NYAP2: variants seen among roughly 807,000 people sequenced by gnomAD.
NYAP2 encodes the protein neuronal tyrosine-phosphorylated phosphoinositide-3-kinase adaptor 2, also known as neuronal tyrosine-phosphorylated phosphoinositide-3-kinase adapter 2.
Under a neutral mutation model 50.4 loss-of-function variants are expected in NYAP2, and 23 were observed. The ratio of observed to expected loss-of-function variants is 0.46; its 90% CI spans 0.33 to 0.65. The LOEUF is 0.65. Among genes scored for constraint, NYAP2 ranks in the 30% least tolerant of loss-of-function variants. NYAP2 has a pLI of 0.02. For missense variants in NYAP2, 885 were observed against 861.0 expected, an observed-to-expected ratio of 1.03 and a Z score of -0.35; for synonymous variants, 394 against 365.2, an observed-to-expected ratio of 1.08 and a Z score of -0.90.
intron 2 of NYAP2, among the ~76,000 whole-genome samples, chr2:225,407,402 A>C (rs189955270): frequency 2.2e-3 from 328 of 152,122 alleles, no homozygotes; most frequent in African/African-American, 7.5e-3. Flanking sequence ...AAAAATCAAG[A>C]GTCAACAAAC....
At chr2:225,598,458 G>GTGA (rs1692643602) in intron 5 of NYAP2, among the ~76,000 whole-genome samples, 1 of 152,122 alleles carries the variant, frequency 6.6e-6, no homozygotes, top group Non-Finnish European at 1.5e-5. Context: ...ATGGAAGACT[G>GTGA]TTAAAAAATA....
the NYAP2 span, among the ~76,000 whole-genome samples, chr2:225,690,635 G>A: frequency 7.0e-4 from 107 of 152,078 alleles, 1 homozygote; most frequent in East Asian, 0.019. Context: ...ATTTAAATCA[G>A]TTTCTCTCTT....
At chr2:225,497,870 A>G (rs148396736) in intron 3 of NYAP2, among the ~76,000 whole-genome samples, 81 of 152,296 alleles carry the variant, frequency 5.3e-4, no homozygotes, top group African/African-American at 1.9e-3. Flanking sequence ...TGACTATTCA[A>G]TTAGAGATAC....
chr2:225,414,573 TGACACACTCAGGAACCA>T (rs1412858410), intron 3 of NYAP2, among the ~76,000 whole-genome samples: 4 of 152,052 alleles, frequency 2.6e-5, no homozygotes, highest in Non-Finnish European at 5.9e-5. Context: ...ATTGAACCAT[TGACACACTCAGGAACCA>T]GCCAATGAGA....
chr2:225,677,539 T>G, the NYAP2 span, among the ~76,000 whole-genome samples: 1 of 152,014 alleles, frequency 6.6e-6, no homozygotes, highest in Non-Finnish European at 1.5e-5. Flanking sequence ...TGATGTTGAC[T>G]GCAGGTTTGT....
chr2:225,545,102 T>G (rs1395083053), intron 4 of NYAP2, among the ~76,000 whole-genome samples: 1 of 152,216 alleles, frequency 6.6e-6, no homozygotes, highest in East Asian at 1.9e-4. Context: ...TTTCTCTTGC[T>G]GCTTTTAGAA....
At chr2:225,609,488 C>T (rs1015918944) in intron 5 of NYAP2, among the ~76,000 whole-genome samples, 2 of 152,154 alleles carry the variant, frequency 1.3e-5, no homozygotes, top group Non-Finnish European at 2.9e-5. Flanking sequence ...GGAAAGAAGA[C>T]AGCCCAGGAC....
intron 4 of NYAP2, among the ~76,000 whole-genome samples, chr2:225,513,958 A>C (rs1690880457): frequency 6.6e-6 from 1 of 152,250 alleles, no homozygotes; most frequent in African/African-American, 2.4e-5. Flanking sequence ...TATATCTAAA[A>C]GTTATATTTT....
At chr2:225,590,319 C>A (rs992396813) in intron 5 of NYAP2, among the ~76,000 whole-genome samples, 1 of 152,128 alleles carries the variant, frequency 6.6e-6, no homozygotes, top group African/African-American at 2.4e-5. Flanking sequence ...CAGGATGTGA[C>A]CTTGGGGATG....
At chr2:225,442,133 CA>C (rs1392375856) in intron 3 of NYAP2, among the ~76,000 whole-genome samples, 1 of 152,188 alleles carries the variant, frequency 6.6e-6, no homozygotes, top group Non-Finnish European at 1.5e-5. Context: ...GTCAAATAAT[CA>C]GCAGGTCTTG....
chr2:225,582,948 C>T lies in NYAP2; in HGVS notation c.1531C>T (p.Leu511=). ...CCGGTCCCGGACACCCACGAGCCCG[C>T]TGGAGGAGCTGACCAGCCTCTTCTC... Residue 511 remains leucine (L), a synonymous_variant, in exon 5 of 7, where the codon CTG becomes TTG. Coordinates refer to ENST00000636099, the Ensembl canonical transcript of NYAP2. This position sits in a 1 kb window ranked among gnomAD's most constrained non-coding sequence, Gnocchi z 7.0. 1.2e-6 allele frequency: 2 copies of T among 1,612,546 alleles called. No individual in the cohort carries two copies. The highest frequency in any genetic ancestry group is 1.7e-6 in the Non-Finnish European group (2 of 1,179,750).
chr2:225,508,819 GCA>G (rs1469565151), intron 3 of NYAP2, among the ~76,000 whole-genome samples: 4 of 152,198 alleles, frequency 2.6e-5, no homozygotes, highest in African/African-American at 9.7e-5. Flanking sequence ...CTAAAATGCT[GCA>G]CCAGATTTGG....
At chr2:225,539,547 G>C (rs1691420721) in intron 4 of NYAP2, among the ~76,000 whole-genome samples, 1 of 152,198 alleles carries the variant, frequency 6.6e-6, no homozygotes, top group Non-Finnish European at 1.5e-5. Context: ...TCTAACTGGT[G>C]TGAGATGGTA....
chr2:225,582,499 C>T lies in NYAP2; in HGVS notation c.1082C>T (p.Thr361Met), dbSNP rs375727693. Residue 361 changes from threonine (T) to methionine (M), a missense_variant, in exon 5 of 7, where the codon ACG becomes ATG. Coordinates refer to ENST00000636099, the Ensembl canonical transcript of NYAP2. The surrounding 1 kb of genome is among the most constrained non-coding windows in gnomAD (Gnocchi z 7.0). Reference sequence around the variant, plus strand: ...TCCCCGCTTACCCCTCTGGAGGTCACGAAGCTTCCCGTGCTGGAAAACGTG... The same window carrying T: ...TCCCCGCTTACCCCTCTGGAGGTCATGAAGCTTCCCGTGCTGGAAAACGTG... 48 of 1,554,396 alleles carry T rather than the reference C, an allele frequency of 3.1e-5. No homozygotes were observed. Among genetic ancestry groups the T allele is most frequent in the African/African-American group, 2.7e-4 (20 of 72,976 alleles).
chr2:225,680,111 ACAAT>A, the NYAP2 span, among the ~76,000 whole-genome samples: 2 of 152,178 alleles, frequency 1.3e-5, no homozygotes, highest in African/African-American at 4.8e-5. Flanking sequence ...TTTCTTGCAC[ACAAT>A]CAATGAGAGC....
intron 6 of NYAP2, among the ~76,000 whole-genome samples, chr2:225,644,835 GT>G (rs1174153723): frequency 1.3e-5 from 2 of 151,592 alleles, no homozygotes; most frequent in Admixed American, 6.6e-5. Context: ...TGCTGTTTTG[GT>G]TACTGTAGCC....
At chr2:225,446,216 G>GTCTCTCTCTCTCTCTCTCTCTCTC (rs1271105292) in intron 3 of NYAP2, among the ~76,000 whole-genome samples, 1 of 69,662 alleles carries the variant, frequency 1.4e-5, no homozygotes, top group African/African-American at 4.0e-5. Flanking sequence ...CTGTCTGTCT[G>GTCTCTCTCTCTCTCTCTCTCTCTC]TCTCTCTCTC....
intron 6 of NYAP2, among the ~76,000 whole-genome samples, chr2:225,637,274 T>C (rs1216486090): frequency 6.6e-6 from 1 of 152,196 alleles, no homozygotes; most frequent in African/African-American, 2.4e-5. Context: ...TTCTCCGTTA[T>C]ATTCATTTTT....
intron 3 of NYAP2, among the ~76,000 whole-genome samples, chr2:225,443,622 A>G (rs1380132220): frequency 1.3e-5 from 2 of 152,212 alleles, no homozygotes; most frequent in Non-Finnish European, 1.5e-5. Context: ...AAAAGAAAAG[A>G]AAAGGAAATA....
Sources: allele counts gnomAD v4.1 joint callset (sites outside exome capture counted in the v4.1 genomes callset), GRCh38; gene constraint gnomAD v4.1.1; non-coding constraint Gnocchi (gnomAD v3.1); transcripts MANE v1.5; gene names NCBI Gene and HGNC (gene_info 2026-07-23, HGNC 2026-07-21).